The following DNAL1 variants were observed in gnomAD, a reference collection of about 807,000 sequenced individuals.
The protein encoded by DNAL1 is dynein axonemal light chain 1.
Under a neutral mutation model 29.4 loss-of-function variants are expected in DNAL1, and 17 were observed. That is an observed-to-expected ratio of 0.58 (90% CI 0.40 to 0.87). The LOEUF is 0.87. Among genes scored for constraint, DNAL1 ranks in the 40% least tolerant of loss-of-function variants. The pLI, the probability that DNAL1 is intolerant of heterozygous loss-of-function variation, is 0.00. For synonymous variants in DNAL1, 78 were observed against 76.3 expected, an observed-to-expected ratio of 1.02 and a Z score of -0.12; for missense variants, 188 against 214.1, an observed-to-expected ratio of 0.88 and a Z score of 0.76.
chr14:73,659,038 T>C, intron 3 of DNAL1, 82 bp downstream of exon 3: 3 of 1,012,218 alleles, frequency 3.0e-6, no homozygotes, highest in Non-Finnish European at 4.2e-6. Context: ...AAAATATGTT[T>C]GTTTTCTGTG....
At chr14:73,687,800 G>A (rs1036102731) in intron 6 of DNAL1, among the ~76,000 whole-genome samples, 4 of 152,110 alleles carry the variant, frequency 2.6e-5, no homozygotes, top group Non-Finnish European at 4.4e-5. Context: ...GTGAACCCGG[G>A]AGGCGGAGCT....
intron 7 of DNAL1, among the ~76,000 whole-genome samples, chr14:73,691,853 C>T (rs1039829201): frequency 4.1e-4 from 58 of 140,526 alleles, no homozygotes; most frequent in African/African-American, 1.1e-3. Flanking sequence ...GCCACCCCCC[C>T]CCCCCAGCTA....
intron 5 of DNAL1, among the ~76,000 whole-genome samples, chr14:73,683,899 G>T (rs1664756240): frequency 1.3e-5 from 2 of 151,902 alleles, no homozygotes; most frequent in South Asian, 4.2e-4. Flanking sequence ...TAGAGACGGG[G>T]TTTCACCATG....
At chr14:73,692,308 C>G (rs1290585460) in intron 7 of DNAL1, among the ~76,000 whole-genome samples, 1 of 152,018 alleles carries the variant, frequency 6.6e-6, no homozygotes, top group Admixed American at 6.6e-5. Flanking sequence ...CTGGTGAAAC[C>G]CTGTCTCTAC....
At chr14:73,651,714 T>TTTTA (rs1891117798) in intron 1 of DNAL1, among the ~76,000 whole-genome samples, 1 of 152,206 alleles carries the variant, frequency 6.6e-6, no homozygotes, top group Non-Finnish European at 1.5e-5. Context: ...TGCAGTGCAA[T>TTTTA]GCCGCAATCT....
intron 6 of DNAL1, 88 bp from the exon 7 acceptor site, chr14:73,689,287 C>G: frequency 6.8e-7 from 1 of 1,471,600 alleles, no homozygotes; most frequent in South Asian, 1.3e-5. Context: ...CCGCCTTGTC[C>G]CCCCAAAGTT....
chr14:73,668,642 C>A (rs969277367), intron 4 of DNAL1, among the ~76,000 whole-genome samples: 1 of 151,582 alleles, frequency 6.6e-6, no homozygotes, highest in Non-Finnish European at 1.5e-5. Flanking sequence ...CTTCTGAGGC[C>A]GCTCTGCTTG....
At chr14:73,683,407 AG>A (rs1167923137) in intron 5 of DNAL1, among the ~76,000 whole-genome samples, 1 of 152,134 alleles carries the variant, frequency 6.6e-6, no homozygotes, top group Admixed American at 6.5e-5. Context: ...GGATATCACT[AG>A]GCAATAGGAA....
intron 2 of DNAL1, among the ~76,000 whole-genome samples, chr14:73,655,499 A>G (rs1270009348): frequency 6.6e-6 from 1 of 151,540 alleles, no homozygotes; most frequent in Non-Finnish European, 1.5e-5. Flanking sequence ...ACGCGCCACA[A>G]TGCCCGGCTA....
intron 3 of DNAL1, 141 bp from the exon 4 acceptor site, chr14:73,661,846 C>A: frequency 1.8e-6 from 1 of 561,104 alleles, no homozygotes; most frequent in Non-Finnish European, 3.1e-6. Flanking sequence ...ACAATGATTT[C>A]AAAATGAAGT....
chr14:73,675,547 A>T (rs1411589364), intron 5 of DNAL1, among the ~76,000 whole-genome samples: 2 of 151,238 alleles, frequency 1.3e-5, no homozygotes, highest in Non-Finnish European at 3.0e-5. Flanking sequence ...GCCTCAAGTG[A>T]TCCTCTTGCC....
At chr14:73,659,231 G>T (rs1321592708) in intron 3 of DNAL1, among the ~76,000 whole-genome samples, 1 of 149,474 alleles carries the variant, frequency 6.7e-6, no homozygotes, top group Non-Finnish European at 1.5e-5. Flanking sequence ...GCATGATCTC[G>T]GCTCACTGCA....
At chr14:73,674,617 T>A (rs183296286) in intron 5 of DNAL1, among the ~76,000 whole-genome samples, 1 of 152,270 alleles carries the variant, frequency 6.6e-6, no homozygotes, top group East Asian at 1.9e-4. Flanking sequence ...TCACAGCTCA[T>A]TGCAACCTTG....
At position 73,659,023 on chromosome 14, in the gene DNAL1, G is replaced by A. The variant is rs536071808; in HGVS notation, c.152+67G>A. 155 of 1,124,514 alleles carry A rather than the reference G, an allele frequency of 1.4e-4. No individual in the cohort carries two copies. The African/African-American group carries it at 2.2e-3, about 16-fold the overall frequency. 69.7% of individuals were successfully genotyped at this position (1,124,514 alleles called of 1,614,324 possible). On this transcript the variant is annotated intron_variant, in intron 3 of 7. Coordinates refer to ENST00000553645, the MANE Select transcript of DNAL1 (RefSeq NM_031427.4). ...CCCTTTCTTTTCTTAAACACACAAA[G>A]TAGGAAAATATGTTTGTTTTCTGTG...
intron 7 of DNAL1, among the ~76,000 whole-genome samples, chr14:73,695,678 C>T (rs1336902282): frequency 3.3e-5 from 5 of 151,816 alleles, no homozygotes; most frequent in East Asian, 3.9e-4. Flanking sequence ...TACAACCGCC[C>T]GCCACCATGC....
chr14:73,670,748 T>A (rs954159553), intron 4 of DNAL1, among the ~76,000 whole-genome samples: 18 of 151,912 alleles, frequency 1.2e-4, no homozygotes, highest in Admixed American at 2.0e-4. Context: ...TATTATTATT[T>A]TTTTTTGAGA....
chr14:73,702,696 C>T lies in DNAL1; in HGVS notation c.*6754C>T, dbSNP rs1400100495. On this transcript the variant is annotated 3_prime_UTR_variant, in exon 8 of 8. Transcript: ENST00000553645. ...TCACCAAGCAATATCCGTAACATTA[C>T]ACATTTTGCCAGCACATTTTCTATG... 6.6e-6 allele frequency: 1 copy of T among 152,162 alleles called. No homozygotes were observed. The highest frequency in any genetic ancestry group is 2.4e-5 in the African/African-American group (1 of 41,432). 9.4% of individuals were successfully genotyped at this position (152,162 alleles called of 1,614,324 possible).
At chr14:73,669,413 A>G (rs1045131583) in intron 4 of DNAL1, among the ~76,000 whole-genome samples, 1 of 151,748 alleles carries the variant, frequency 6.6e-6, no homozygotes, top group Non-Finnish European at 1.5e-5. Flanking sequence ...AGTAGCTGGG[A>G]TTACAGGCAT....
intron 7 of DNAL1, among the ~76,000 whole-genome samples, chr14:73,692,821 A>C (rs1475181094): frequency 6.6e-6 from 1 of 151,690 alleles, no homozygotes; most frequent in Admixed American, 6.6e-5. Flanking sequence ...TCTGTTGCTC[A>C]TAAGCAAAAC....
Sources: allele counts gnomAD v4.1 joint callset (sites outside exome capture counted in the v4.1 genomes callset), GRCh38; gene constraint gnomAD v4.1.1; transcripts MANE v1.5; gene names NCBI Gene and HGNC (gene_info 2026-07-23, HGNC 2026-07-21).